Variants in PEX13 observed in about 807,000 individuals in gnomAD.
PEX13 encodes peroxisomal biogenesis factor 13, also known as peroxisome biogenesis factor 13.
In PEX13, 28 loss-of-function variants were observed where a neutral mutation model predicts 34.5. That is an observed-to-expected ratio of 0.81 (90% CI 0.60 to 1.11). The LOEUF (loss-of-function observed/expected upper bound fraction) is 1.11, where lower values mean the gene tolerates loss of function less well. Among genes scored for constraint, PEX13 ranks in the 50% most tolerant of loss-of-function variants. The probability of loss-of-function intolerance (pLI) is 0.00; values close to 1 mark genes in which losing one functional copy is unlikely to be tolerated. For synonymous variants in PEX13, 177 were observed against 175.1 expected, an observed-to-expected ratio of 1.01 and a Z score of -0.09; for missense variants, 550 against 491.0, an observed-to-expected ratio of 1.12 and a Z score of -1.13.
Position 61,050,133 on chromosome 2 carries a change from T to TG in PEX13, c.*1366dup, listed in dbSNP as rs1394604375. ...CCTCATGCCTTTAATCTCAGCACTT[T>TG]GGGAGGCCAAGGCGGGCGGATCACC... On this transcript the variant is annotated 3_prime_UTR_variant, in exon 4 of 4. Coordinates refer to ENST00000295030, the MANE Select transcript of PEX13 (RefSeq NM_002618.4). The TG allele has an allele frequency of 6.6e-6, 1 of 152,312 alleles. No homozygotes were observed. Among genetic ancestry groups the TG allele is most frequent in the Non-Finnish European group, 1.5e-5 (1 of 68,044 alleles). The allele number at this position is 152,312 out of a possible 1,614,324, so 9.4% of individuals were successfully genotyped here.
At chr2:61,032,508 A>G (rs1425857180) in intron 2 of PEX13, among the ~76,000 whole-genome samples, 1 of 152,224 alleles carries the variant, frequency 6.6e-6, no homozygotes, top group African/African-American at 2.4e-5. Context: ...TTTAATATGC[A>G]AGACACTGTG....
intron 2 of PEX13, among the ~76,000 whole-genome samples, chr2:61,040,440 C>T (rs534317562): frequency 2.1e-4 from 32 of 152,082 alleles, no homozygotes; most frequent in Admixed American, 7.2e-4. Context: ...TTTGCAGGGA[C>T]GTGGATGAAG....
chr2:61,022,655 G>A (rs913808484), intron 1 of PEX13, among the ~76,000 whole-genome samples: 4 of 152,164 alleles, frequency 2.6e-5, no homozygotes, highest in Non-Finnish European at 5.9e-5. Flanking sequence ...GATTGCTTGA[G>A]GCCAGAAGTT....
Position 61,048,837 on chromosome 2 carries a change from G to T in PEX13, c.*67G>T. 1 of 1,254,016 alleles carries T rather than the reference G, an allele frequency of 8.0e-7. No individual in the cohort carries two copies. The highest frequency in any genetic ancestry group is 1.8e-5 in the Admixed American group (1 of 56,862). 77.7% of individuals were successfully genotyped at this position (1,254,016 alleles called of 1,614,324 possible). ...ACTTTTTAAAATTATTTCTCACAAA[G>T]AAATGAATGTACAATCCAATGAAAA... On this transcript the variant is annotated 3_prime_UTR_variant, in exon 4 of 4. Coordinates refer to ENST00000295030, the MANE Select transcript of PEX13 (RefSeq NM_002618.4).
intron 1 of PEX13, chr2:61,018,083 T>C: frequency 6.6e-7 from 1 of 1,521,480 alleles, no homozygotes; most frequent in South Asian, 1.2e-5. Context: ...CGGGAGCTCC[T>C]GGGCGTCTCT....
At chr2:61,035,892 A>G (rs935172717) in intron 2 of PEX13, among the ~76,000 whole-genome samples, 12 of 151,868 alleles carry the variant, frequency 7.9e-5, no homozygotes, top group African/African-American at 2.9e-4. Context: ...CTGAGGCAGG[A>G]GAATTGCTTG....
chr2:61,048,076 G>T (rs975534769), intron 3 of PEX13, among the ~76,000 whole-genome samples: 1 of 152,110 alleles, frequency 6.6e-6, no homozygotes, highest in Non-Finnish European at 1.5e-5. Context: ...TGCATTAAAG[G>T]TATATCTTTT....
At chr2:61,017,914 G>T in intron 1 of PEX13, 63 bp downstream of exon 1, 1 of 1,477,448 alleles carries the variant, frequency 6.8e-7, no homozygotes. Flanking sequence ...GGCAGGAGGC[G>T]GTTGTAGCGG....
intron 3 of PEX13, among the ~76,000 whole-genome samples, chr2:61,047,951 T>A (rs1028780550): frequency 1.3e-5 from 2 of 152,234 alleles, no homozygotes; most frequent in African/African-American, 4.8e-5. Flanking sequence ...ACAAAGGTCT[T>A]CAATTTTTTG....
In PEX13 at chr2:61,048,707, A is replaced by G. The variant is rs2104814749; in HGVS notation, c.1149A>G (p.Glu383=). ...QEAAFESVFV[E]TNKVPVAPDS... ...CTGCCTTTGAATCTGTTTTTGTTGAAACTAATAAGGTTCCAGTTGCACCTG... is the reference window on the plus strand; with the variant it reads ...CTGCCTTTGAATCTGTTTTTGTTGAGACTAATAAGGTTCCAGTTGCACCTG... The change falls in exon 4 of 4, where the codon GAA becomes GAG. Residue 383 remains glutamate, a synonymous_variant. Coordinates refer to ENST00000295030, the MANE Select transcript of PEX13 (RefSeq NM_002618.4). The G allele has an allele frequency of 6.2e-7, 1 of 1,614,042 alleles. No individual in the cohort carries two copies. The highest frequency in any genetic ancestry group is 8.5e-7 in the Non-Finnish European group (1 of 1,179,876).
intron 1 of PEX13, among the ~76,000 whole-genome samples, chr2:61,025,260 G>T (rs1005836981): frequency 6.6e-6 from 1 of 151,780 alleles, no homozygotes; most frequent in Non-Finnish European, 1.5e-5. Flanking sequence ...TAATAGAGAC[G>T]GGGTTTCACC....
chr2:61,041,236 G>T (rs1012055288), intron 2 of PEX13, among the ~76,000 whole-genome samples: 2 of 152,154 alleles, frequency 1.3e-5, no homozygotes, highest in African/African-American at 4.8e-5. Flanking sequence ...GGCTGAGATG[G>T]GAGGGTGGTT....
At chr2:61,044,143 T>A (rs1023656287) in intron 2 of PEX13, among the ~76,000 whole-genome samples, 6 of 152,162 alleles carry the variant, frequency 3.9e-5, no homozygotes, top group Non-Finnish European at 8.8e-5. Context: ...GGAGACGAGA[T>A]TCCACTGTGT....
intron 2 of PEX13, among the ~76,000 whole-genome samples, chr2:61,036,090 T>G (rs192808020): frequency 2.6e-4 from 36 of 140,344 alleles, no homozygotes; most frequent in Non-Finnish European, 4.6e-4. Context: ...GAAAAAAGAG[T>G]GAAAAGAAAT....
chr2:61,024,726 A>G (rs952879095), intron 1 of PEX13, among the ~76,000 whole-genome samples: 1 of 152,092 alleles, frequency 6.6e-6, no homozygotes, highest in African/African-American at 2.4e-5. Flanking sequence ...GGAGAATGGT[A>G]TGAACCCAGG....
chr2:61,020,890 G>C (rs1680245882), intron 1 of PEX13, among the ~76,000 whole-genome samples: 1 of 152,074 alleles, frequency 6.6e-6, no homozygotes. Flanking sequence ...CCTGACCTCA[G>C]GTGATCTGCC....
chr2:61,035,427 G>A (rs1175469613), intron 2 of PEX13, among the ~76,000 whole-genome samples: 2 of 152,156 alleles, frequency 1.3e-5, no homozygotes, highest in East Asian at 1.9e-4. Context: ...CCAAAGGATC[G>A]CAGCTGCTCG....
chr2:61,034,881 G>T (rs1193335013), intron 2 of PEX13, among the ~76,000 whole-genome samples: 1 of 152,228 alleles, frequency 6.6e-6, no homozygotes, highest in African/African-American at 2.4e-5. Context: ...TTCCACCTCT[G>T]TGGGCAGGGC....
intron 2 of PEX13, among the ~76,000 whole-genome samples, chr2:61,036,216 T>A (rs1220444638): frequency 6.6e-6 from 1 of 152,124 alleles, no homozygotes; most frequent in Non-Finnish European, 1.5e-5. Flanking sequence ...CCTCAGGATA[T>A]TATCCAGGAG....
Sources: allele counts gnomAD v4.1 joint callset (sites outside exome capture counted in the v4.1 genomes callset), GRCh38; gene constraint gnomAD v4.1.1; transcripts MANE v1.5; gene names NCBI Gene and HGNC (gene_info 2026-07-23, HGNC 2026-07-21).